The following WDR41 variants were observed in gnomAD, a reference collection of about 807,000 sequenced individuals.
WDR41 encodes WD repeat-containing protein 41.
Under a neutral mutation model 69.3 loss-of-function variants are expected in WDR41, and 63 were observed. The observed-to-expected ratio is 0.91, with a 90% CI of 0.74 to 1.12. The LOEUF is 1.12. WDR41 is among the 50% of genes most tolerant of loss of function. The pLI, the probability that WDR41 is intolerant of heterozygous loss-of-function variation, is 0.00. For missense variants in WDR41, 543 were observed against 534.5 expected (o/e 1.02, Z -0.16); for synonymous variants, 185 against 192.1 (o/e 0.96, Z 0.31).
At chr5:77,516,551 A>G (rs1458673580) in intron 1 of WDR41, among the ~76,000 whole-genome samples, 2 of 150,814 alleles carry the variant, frequency 1.3e-5, no homozygotes. Context: ...TCCGAGGTAA[A>G]TAGTCCAGGG....
intron 1 of WDR41, among the ~76,000 whole-genome samples, chr5:77,595,710 CA>C (rs1744215302): frequency 6.6e-6 from 1 of 152,132 alleles, no homozygotes; most frequent in Non-Finnish European, 1.5e-5. Flanking sequence ...CACATTTCCA[CA>C]AACAAATTAA....
rs371347862 is a variant in WDR41, at chr5:77,602,626, A to G, written c.42+17853T>C. Among the ~76,000 whole-genome samples the G allele has an allele frequency of 8.5e-5, 13 of 152,284 alleles. No individual in the cohort carries two copies. The East Asian group carries it at 2.1e-3, about 25-fold the overall frequency. On this transcript the variant is annotated intron_variant, in intron 1 of 5. Transcript: ENST00000509971. ...AAATAGTATTCCATTGTGTACATATAGCACATTTTCTTTGTCTGTTCATCC... is the reference window on the plus strand; with the variant it reads ...AAATAGTATTCCATTGTGTACATATGGCACATTTTCTTTGTCTGTTCATCC...
intron 1 of WDR41, among the ~76,000 whole-genome samples, chr5:77,549,864 C>G (rs1432492039): frequency 6.6e-6 from 1 of 152,004 alleles, no homozygotes; most frequent in Admixed American, 6.6e-5. Context: ...GCTACAGTAA[C>G]CAAAACAGCA....
intron 6 of WDR41, chr5:77,452,009 C>A (rs1799644961): frequency 9.0e-6 from 1 of 110,970 alleles, no homozygotes; most frequent in South Asian, 2.9e-4. Context: ...AGAACCACCA[C>A]GTGTTGGCAA....
At chr5:77,479,764 C>T (rs548475587) in intron 2 of WDR41, among the ~76,000 whole-genome samples, 12 of 152,240 alleles carry the variant, frequency 7.9e-5, no homozygotes, top group East Asian at 1.9e-4. Context: ...TAGGCATGGG[C>T]AAGGACTTCA....
intron 4 of WDR41, among the ~76,000 whole-genome samples, chr5:77,459,980 T>C (rs1182311085): frequency 6.6e-6 from 1 of 152,112 alleles, no homozygotes; most frequent in African/African-American, 2.4e-5. Flanking sequence ...TTATATGTGC[T>C]CAGAACACTT....
intron 2 of WDR41, among the ~76,000 whole-genome samples, chr5:77,472,267 C>A (rs1027595899): frequency 5.9e-5 from 9 of 151,886 alleles, no homozygotes; most frequent in African/African-American, 1.9e-4. Context: ...ATGGATGGGA[C>A]ATATCTCAAA....
intron 1 of WDR41, among the ~76,000 whole-genome samples, chr5:77,531,023 C>T (rs1324293431): frequency 6.6e-6 from 1 of 151,616 alleles, no homozygotes; most frequent in African/African-American, 2.4e-5. Flanking sequence ...GTATCAATCA[C>T]CTAAATATAA....
chr5:77,485,131 C>T (rs1247795873), intron 2 of WDR41, among the ~76,000 whole-genome samples: 4 of 152,120 alleles, frequency 2.6e-5, no homozygotes, highest in African/African-American at 9.7e-5. Context: ...TCCAATTCTG[C>T]TTCCTCCCTT....
At chr5:77,508,936 T>G (rs1280970325) in intron 1 of WDR41, among the ~76,000 whole-genome samples, 1 of 152,206 alleles carries the variant, frequency 6.6e-6, no homozygotes, top group Non-Finnish European at 1.5e-5. Flanking sequence ...CCCCTTTTTT[T>G]GGTCTCCATT....
intron 1 of WDR41, chr5:77,491,792 T>C: frequency 4.3e-6 from 1 of 231,188 alleles, no homozygotes. Context: ...AACTCGTTCG[T>C]TTCTAGCTAA....
intron 1 of WDR41, among the ~76,000 whole-genome samples, chr5:77,534,673 A>G (rs1742932669): frequency 6.6e-6 from 1 of 151,774 alleles, no homozygotes; most frequent in Non-Finnish European, 1.5e-5. Flanking sequence ...AGCTCAAATT[A>G]TCCTCCCACC....
chr5:77,464,273 ACTTTTTT>A (rs1800194688), intron 3 of WDR41, among the ~76,000 whole-genome samples: 1 of 95,484 alleles, frequency 1.0e-5, no homozygotes, highest in African/African-American at 4.3e-5. Flanking sequence ...TTAGGAAAAA[ACTTTTTT>A]TTTTTTTTTT....
intron 1 of WDR41, among the ~76,000 whole-genome samples, chr5:77,550,599 T>C (rs1743278363): frequency 6.6e-6 from 1 of 152,208 alleles, no homozygotes; most frequent in East Asian, 1.9e-4. Context: ...CTGGCAAGCC[T>C]GTGGAGAAAA....
At chr5:77,467,589 T>C (rs893443196) in intron 2 of WDR41, among the ~76,000 whole-genome samples, 3 of 152,040 alleles carry the variant, frequency 2.0e-5, no homozygotes, top group African/African-American at 2.4e-5. Context: ...CTTAGAATCA[T>C]GAACTCTAAG....
chr5:77,546,787 C>A (rs928233746), intron 1 of WDR41, among the ~76,000 whole-genome samples: 3 of 152,096 alleles, frequency 2.0e-5, no homozygotes, highest in Non-Finnish European at 4.4e-5. Flanking sequence ...GCCAGTATCA[C>A]CCTAATACCA....
intron 8 of WDR41, among the ~76,000 whole-genome samples, chr5:77,449,558 T>C (rs1326992455): frequency 6.6e-6 from 1 of 152,242 alleles, no homozygotes; most frequent in Non-Finnish European, 1.5e-5. Flanking sequence ...TACACTATTT[T>C]CCTTGTCCCT....
At chr5:77,573,267 C>G (rs1198706435) in intron 1 of WDR41, among the ~76,000 whole-genome samples, 3 of 141,046 alleles carry the variant, frequency 2.1e-5, no homozygotes, top group Non-Finnish European at 4.8e-5. Flanking sequence ...CTCTCTCTCT[C>G]TTTATTTTTT....
At chr5:77,601,599 G>C (rs993145526) in intron 1 of WDR41, among the ~76,000 whole-genome samples, 3 of 152,162 alleles carry the variant, frequency 2.0e-5, no homozygotes, top group Non-Finnish European at 4.4e-5. Context: ...CTAAGGGTTT[G>C]GCACTTAAGG....
Sources: gnomAD v4.1 joint callset for allele counts (sites outside exome capture counted in the v4.1 genomes callset) on GRCh38, gnomAD v4.1.1 for gene constraint, MANE v1.5 for transcripts, NCBI Gene and HGNC (gene_info 2026-07-23, HGNC 2026-07-21) for gene names.